Variants in MDFIC2 observed in about 807,000 individuals in gnomAD.
MDFIC2 encodes the protein MyoD family inhibitor domain containing 2, also known as myoD family inhibitor domain-containing protein 2.
intron 2 of MDFIC2, among the ~76,000 whole-genome samples, chr3:70,300,552 C>G (rs1702337402): frequency 6.6e-6 from 1 of 151,924 alleles, no homozygotes; most frequent in African/African-American, 2.4e-5. Context: ...AACCATGTTA[C>G]TTTTCCCTGT....
intron 2 of MDFIC2, among the ~76,000 whole-genome samples, chr3:70,231,473 A>G (rs1017739458): frequency 6.6e-6 from 1 of 152,212 alleles, no homozygotes; most frequent in Non-Finnish European, 1.5e-5. Flanking sequence ...TCTAAATTGC[A>G]TCACACGTGC....
At chr3:70,265,110 G>T (rs992809454) in intron 2 of MDFIC2, among the ~76,000 whole-genome samples, 2 of 152,146 alleles carry the variant, frequency 1.3e-5, no homozygotes, top group African/African-American at 2.4e-5. Flanking sequence ...ACCTCTCACT[G>T]GGTCCCTCCC....
At chr3:70,253,864 A>C (rs1385665895) in intron 2 of MDFIC2, among the ~76,000 whole-genome samples, 1 of 152,228 alleles carries the variant, frequency 6.6e-6, no homozygotes, top group Non-Finnish European at 1.5e-5. Context: ...AAGTGAAAAA[A>C]ATTCTGTTCC....
In MDFIC2 at chr3:70,200,802, A is replaced by G. The variant is rs1701229732; in HGVS notation, c.311-3617T>C. On this transcript the variant is annotated intron_variant, in intron 3 of 3. Transcript: ENST00000567252. ...TTTTTAGATGCAAGGACTAAGGTTC[A>G]GGGATTGTTTCTGACTGTCCTAAAT... Among the ~76,000 whole-genome samples, 6 of 152,296 alleles carry G rather than the reference A, an allele frequency of 3.9e-5. No individual in the cohort carries two copies. In the South Asian group the frequency reaches 1.2e-3, roughly 32 times the overall value.
intron 2 of MDFIC2, among the ~76,000 whole-genome samples, chr3:70,216,941 A>G (rs1404891809): frequency 6.6e-6 from 1 of 152,172 alleles, no homozygotes; most frequent in Non-Finnish European, 1.5e-5. Flanking sequence ...CAAAACCCAT[A>G]AAAAATGTGG....
chr3:70,225,712 A>G (rs1701498011), intron 2 of MDFIC2, among the ~76,000 whole-genome samples: 2 of 152,230 alleles, frequency 1.3e-5, no homozygotes, highest in African/African-American at 4.8e-5. Context: ...CCAAAATGAA[A>G]CAATAAAGTA....
chr3:70,311,936 G>C lies in MDFIC2; in HGVS notation c.38C>G (p.Thr13Arg), dbSNP rs1408101403. Residue 13 changes from threonine to arginine, a missense_variant, in exon 2 of 4, where the codon ACA becomes AGA. Transcript: ENST00000567252. ...TTTATCATTTTCTAAATGCTCAGCT[G>C]TTCTTACTTTTATCTTTTCCAGCTC... is the stretch of plus-strand genomic sequence containing the variant. ...ETELEKIKVR[T>R]AEHLENDKNN... 2 of 397,702 alleles carry C rather than the reference G, an allele frequency of 5.0e-6. No homozygotes were observed. Among genetic ancestry groups the C allele is most frequent in the African/African-American group, 4.1e-5 (2 of 48,572 alleles). 24.6% of individuals were successfully genotyped at this position (397,702 alleles called of 1,614,324 possible). A position where few individuals can be genotyped will look rare whatever the true frequency, so the allele number is the denominator to read the frequency against.
At chr3:70,235,697 T>G (rs777837334) in intron 2 of MDFIC2, among the ~76,000 whole-genome samples, 2 of 152,210 alleles carry the variant, frequency 1.3e-5, no homozygotes, top group Admixed American at 6.5e-5. Flanking sequence ...GTGTAAGGGT[T>G]CTGGTGGCAG....
At chr3:70,230,918 C>G (rs1486529377) in intron 2 of MDFIC2, among the ~76,000 whole-genome samples, 1 of 152,180 alleles carries the variant, frequency 6.6e-6, no homozygotes, top group African/African-American at 2.4e-5. Flanking sequence ...GGCAAACTTC[C>G]ACTTTTCAAT....
intron 2 of MDFIC2, among the ~76,000 whole-genome samples, chr3:70,250,568 G>C (rs1701755462): frequency 6.6e-6 from 1 of 151,992 alleles, no homozygotes; most frequent in Non-Finnish European, 1.5e-5. Context: ...AAACTATTCG[G>C]GTGGAAAAAT....
At chr3:70,241,730 C>T (rs979561356) in intron 2 of MDFIC2, among the ~76,000 whole-genome samples, 1 of 152,098 alleles carries the variant, frequency 6.6e-6, no homozygotes, top group African/African-American at 2.4e-5. Flanking sequence ...GCTACTAAGG[C>T]GTCTAATGTC....
intron 2 of MDFIC2, among the ~76,000 whole-genome samples, chr3:70,285,465 C>T (rs1244436860): frequency 1.3e-5 from 2 of 151,942 alleles, no homozygotes; most frequent in African/African-American, 4.8e-5. Flanking sequence ...CATTGTTGGA[C>T]ATTTGGGTTG....
chr3:70,276,489 T>G (rs1021986559), intron 2 of MDFIC2, among the ~76,000 whole-genome samples: 1 of 152,210 alleles, frequency 6.6e-6, no homozygotes, highest in African/African-American at 2.4e-5. Flanking sequence ...GGCTGTCCAG[T>G]GAATTATACG....
intron 2 of MDFIC2, among the ~76,000 whole-genome samples, chr3:70,267,233 G>A (rs1429337438): frequency 7.9e-5 from 12 of 151,932 alleles, no homozygotes; most frequent in Non-Finnish European, 1.6e-4. Context: ...TCATTTTTAC[G>A]AAGGGCAGAA....
intron 2 of MDFIC2, among the ~76,000 whole-genome samples, chr3:70,209,821 G>A (rs114289805): frequency 0.031 from 4,671 of 152,122 alleles, 95 homozygotes; most frequent in Non-Finnish European, 0.049. Context: ...AAATAGCTGG[G>A]TTTTACACAC....
At chr3:70,299,602 A>G in intron 2 of MDFIC2, among the ~76,000 whole-genome samples, 1 of 152,122 alleles carries the variant, frequency 6.6e-6, no homozygotes, top group Non-Finnish European at 1.5e-5. Context: ...CTTGGGTGCC[A>G]GCCCTTTGTT....
intron 2 of MDFIC2, among the ~76,000 whole-genome samples, chr3:70,286,101 G>C (rs1335506024): frequency 6.6e-6 from 1 of 152,196 alleles, no homozygotes; most frequent in Admixed American, 6.5e-5. Context: ...TGCTGCCATT[G>C]CTTTTGGTGT....
chr3:70,296,457 A>G (rs1702289614), intron 2 of MDFIC2, among the ~76,000 whole-genome samples: 2 of 152,146 alleles, frequency 1.3e-5, no homozygotes, highest in Admixed American at 6.5e-5. Context: ...TATAGAACCC[A>G]TCACCTCTCA....
At chr3:70,223,769 C>T (rs1183337362) in intron 2 of MDFIC2, among the ~76,000 whole-genome samples, 2 of 152,186 alleles carry the variant, frequency 1.3e-5, no homozygotes, top group East Asian at 1.9e-4. Flanking sequence ...ATTTAATTCA[C>T]ATACAAATGA....
Sources: allele counts gnomAD v4.1 joint callset (sites outside exome capture counted in the v4.1 genomes callset), GRCh38; gene constraint gnomAD v4.1.1; transcripts MANE v1.5; gene names NCBI Gene and HGNC (gene_info 2026-07-23, HGNC 2026-07-21).